The following MGAT4C variants were observed in gnomAD, a reference collection of about 807,000 sequenced individuals.
MGAT4C encodes the protein alpha-1,3-mannosyl-glycoprotein 4-beta-N-acetylglucosaminyltransferase C.
A neutral mutation model predicts 40.1 loss-of-function variants in MGAT4C; 19 were observed. That is an observed-to-expected ratio of 0.47 (90% CI 0.33 to 0.70). The LOEUF (loss-of-function observed/expected upper bound fraction) is 0.70. Ranked by LOEUF, MGAT4C falls within the 30% of genes least tolerant of loss-of-function variation. The probability of loss-of-function intolerance (pLI) is 0.02; values close to 1 mark genes in which losing one functional copy is unlikely to be tolerated. For synonymous variants in MGAT4C, 181 were observed against 187.1 expected, an observed-to-expected ratio of 0.97 and a Z score of 0.27; for missense variants, 491 against 563.2, an observed-to-expected ratio of 0.87 and a Z score of 1.30.
At chr12:86,372,983 ATTAC>A (rs932244892) in intron 3 of MGAT4C, among the ~76,000 whole-genome samples, 12 of 150,778 alleles carry the variant, frequency 8.0e-5, no homozygotes, top group African/African-American at 1.2e-4. Context: ...ATTATAAATA[ATTAC>A]ATATATGAAT....
rs1479451905 is a variant in MGAT4C, at chr12:85,978,240, T to C, written c.*1049A>G. On this transcript the variant is annotated 3_prime_UTR_variant, in exon 5 of 5. Coordinates refer to ENST00000611864, the MANE Select transcript of MGAT4C (RefSeq NM_001351288.2). Reference sequence around the variant, plus strand: ...AGCATAAATCTGTCAGGAGAAATCATACGAGAAAAAGAGCATTGTCTGGTT... The same window carrying C: ...AGCATAAATCTGTCAGGAGAAATCACACGAGAAAAAGAGCATTGTCTGGTT... 6.6e-6 allele frequency: 1 copy of C among 151,656 alleles called. No individual in the cohort carries two copies. The highest frequency in any genetic ancestry group is 1.9e-4 in the East Asian group (1 of 5,190). 9.4% of individuals were successfully genotyped at this position (151,656 alleles called of 1,614,324 possible). A position where few individuals can be genotyped will look rare whatever the true frequency, so the allele number is the denominator to read the frequency against.
chr12:86,403,528 T>C (rs1956409587), intron 3 of MGAT4C, among the ~76,000 whole-genome samples: 1 of 152,226 alleles, frequency 6.6e-6, no homozygotes, highest in Non-Finnish European at 1.5e-5. Context: ...TCATTCATTT[T>C]AGAAAGTAAG....
chr12:86,058,308 G>C (rs916929567), intron 1 of MGAT4C, among the ~76,000 whole-genome samples: 2 of 151,984 alleles, frequency 1.3e-5, no homozygotes, highest in Non-Finnish European at 2.9e-5. Flanking sequence ...TGTGTAAGTG[G>C]TATAAATCTC....
chr12:86,773,945 CTTTTTTTTTTTTTTTTT>C (rs140530916), intron 1 of MGAT4C, among the ~76,000 whole-genome samples: 1 of 58,438 alleles, frequency 1.7e-5, no homozygotes, highest in Non-Finnish European at 3.2e-5. Flanking sequence ...AAAGTAACTT[CTTTTTTTTTTTTTTTTT>C]TTTTTTTTTG....
chr12:86,359,994 T>G (rs1180229316), intron 3 of MGAT4C, among the ~76,000 whole-genome samples: 2 of 152,154 alleles, frequency 1.3e-5, no homozygotes, highest in Non-Finnish European at 2.9e-5. Context: ...GCCAGCATCA[T>G]CCTGATACCA....
rs1956573618 is a variant in MGAT4C at position 86,410,106 on chromosome 12, G to A, written c.-120+25051C>T. 2.0e-5 allele frequency among the ~76,000 whole-genome samples: 3 copies of A among 152,130 alleles called. No individual in the cohort carries two copies. The South Asian group carries it at 6.2e-4, about 31-fold the overall frequency. ...GGCAAAGCAAAGATCACAAGGCAAA[G>A]GGCAAAATTAGAATTACTGATGAGG... On this transcript the variant is annotated intron_variant, in intron 3 of 7. Coordinates refer to the MGAT4C transcript ENST00000548651.
chr12:86,344,720 GTGTGTGT>G (rs1954983837), intron 3 of MGAT4C, among the ~76,000 whole-genome samples: 2 of 62,720 alleles, frequency 3.2e-5, no homozygotes, highest in Admixed American at 1.4e-4. Context: ...TCTTCTCGGT[GTGTGTGT>G]GTGTGTGTGT....
intron 1 of MGAT4C, among the ~76,000 whole-genome samples, chr12:86,838,299 A>C (rs1391770839): frequency 6.6e-6 from 1 of 152,216 alleles, no homozygotes; most frequent in African/African-American, 2.4e-5. Flanking sequence ...TGATTGTTTT[A>C]AAAGATTCAA....
intron 3 of MGAT4C, among the ~76,000 whole-genome samples, chr12:86,356,390 TA>T (rs573251603): frequency 2.6e-5 from 4 of 152,292 alleles, no homozygotes; most frequent in Admixed American, 2.6e-4. Context: ...AACTCCAGTC[TA>T]CAGCTCTCAG....
intron 2 of MGAT4C, among the ~76,000 whole-genome samples, chr12:86,488,482 T>C (rs1958068714): frequency 6.6e-6 from 1 of 151,952 alleles, no homozygotes; most frequent in African/African-American, 2.4e-5. Context: ...CTAATTTATC[T>C]AAGGCAGATA....
chr12:86,294,138 A>C (rs939949958), intron 4 of MGAT4C, among the ~76,000 whole-genome samples: 3 of 151,394 alleles, frequency 2.0e-5, no homozygotes, highest in African/African-American at 7.3e-5. Flanking sequence ...ATTAAAAAAA[A>C]AACCACCTAT....
chr12:86,076,530 A>G (rs1376379438), intron 1 of MGAT4C, among the ~76,000 whole-genome samples: 1 of 152,218 alleles, frequency 6.6e-6, no homozygotes, highest in Non-Finnish European at 1.5e-5. Flanking sequence ...TGATAAAGAC[A>G]TACCGGAAAC....
rs183970366 is a variant in MGAT4C at position 86,670,120 on chromosome 12, G to C, written c.-229+57089C>G. On this transcript the variant is annotated intron_variant, in intron 2 of 7. Transcript: ENST00000548651. ...AGTTCTAGTGTTTCCAAATGAGAAT[G>C]AACCAACACAAGAATTGTCATCATT... 3.1e-3 allele frequency among the ~76,000 whole-genome samples: 466 copies of C among 152,060 alleles called. 2 individuals are homozygous for C. Among genetic ancestry groups the C allele is most frequent in the Middle Eastern group, 0.014 (4 of 292 alleles).
At chr12:86,801,339 G>A (rs1412450540) in intron 1 of MGAT4C, among the ~76,000 whole-genome samples, 1 of 151,878 alleles carries the variant, frequency 6.6e-6, no homozygotes, top group African/African-American at 2.4e-5. Flanking sequence ...AATATCGAGA[G>A]CGTGTTGAGA....
At chr12:86,746,988 AC>A (rs1951163270) in intron 1 of MGAT4C, among the ~76,000 whole-genome samples, 1 of 151,624 alleles carries the variant, frequency 6.6e-6, no homozygotes, top group South Asian at 2.1e-4. Flanking sequence ...TGATGTACTT[AC>A]CAGGTAATGA....
intron 3 of MGAT4C, among the ~76,000 whole-genome samples, chr12:86,335,931 C>A (rs1954778608): frequency 1.3e-5 from 2 of 152,072 alleles, no homozygotes; most frequent in Non-Finnish European, 2.9e-5. Flanking sequence ...CATGCTCAGT[C>A]CTCTCTTGCT....
chr12:86,623,392 C>CCGTT (rs1962699089), intron 2 of MGAT4C, among the ~76,000 whole-genome samples: 2 of 152,044 alleles, frequency 1.3e-5, no homozygotes, highest in South Asian at 4.1e-4. Context: ...ACAACAGGTC[C>CCGTT]ATCTGACTTA....
chr12:86,266,114 T>C (rs1952781063), intron 4 of MGAT4C, among the ~76,000 whole-genome samples: 1 of 152,196 alleles, frequency 6.6e-6, no homozygotes, highest in Admixed American at 6.5e-5. Context: ...CTTTTCGAGT[T>C]TGTATACCTT....
At chr12:86,588,681 A>C (rs939493766) in intron 2 of MGAT4C, among the ~76,000 whole-genome samples, 13 of 152,148 alleles carry the variant, frequency 8.5e-5, no homozygotes, top group Non-Finnish European at 1.6e-4. Flanking sequence ...ATGTAAAAGA[A>C]CAGAAATTAT....
Sources: allele counts gnomAD v4.1 joint callset (sites outside exome capture counted in the v4.1 genomes callset), GRCh38; gene constraint gnomAD v4.1.1; transcripts MANE v1.5; gene names NCBI Gene and HGNC (gene_info 2026-07-23, HGNC 2026-07-21).